The following TCEA1 variants were observed in gnomAD, a reference collection of about 807,000 sequenced individuals.
The protein encoded by TCEA1 is transcription elongation factor A1, also known as transcription elongation factor A protein 1.
TCEA1 carries 21 observed loss-of-function variants against 43.8 expected under a neutral mutation model. The ratio of observed to expected loss-of-function variants is 0.48; its 90% CI spans 0.34 to 0.69. TCEA1 has a LOEUF of 0.69. Ranked by LOEUF, TCEA1 falls within the 30% of genes least tolerant of loss-of-function variation. The probability of loss-of-function intolerance (pLI) is 0.01; values close to 1 mark genes in which losing one functional copy is unlikely to be tolerated. For missense variants in TCEA1, 250 were observed against 365.1 expected, an observed-to-expected ratio of 0.68 and a Z score of 2.57; for synonymous variants, 104 against 117.5, an observed-to-expected ratio of 0.88 and a Z score of 0.75.
chr8:53,995,615 TATAGA>T (rs1476361367), intron 3 of TCEA1, among the ~76,000 whole-genome samples: 1 of 152,236 alleles, frequency 6.6e-6, no homozygotes, highest in Admixed American at 6.5e-5. Context: ...CATCTCTCTG[TATAGA>T]ATATAGAAGA....
rs142309593 is a variant in TCEA1 at position 53,992,080 on chromosome 8, G to GTCA, written c.320+1587_320+1588insTGA. ...TAATCCCAGCACTTTGGGAGGCTGA[G>GTCA]GCAGGTGGATCACCTGTGGTTGAGA... On this transcript the variant is annotated intron_variant, in intron 4 of 9. Coordinates refer to ENST00000521604, the MANE Select transcript of TCEA1 (RefSeq NM_006756.4). 8.2e-3 allele frequency among the ~76,000 whole-genome samples: 1,241 copies of GTCA among 152,238 alleles called. 34 individuals are homozygous for GTCA. Among genetic ancestry groups the GTCA allele is most frequent in the African/African-American group, 0.028 (1,178 of 41,482 alleles).
intron 1 of TCEA1, among the ~76,000 whole-genome samples, chr8:54,013,903 G>C (rs1432343744): frequency 1.3e-5 from 2 of 152,020 alleles, no homozygotes; most frequent in African/African-American, 4.8e-5. Context: ...TTACAGATGA[G>C]GAAATATGTC....
At chr8:53,998,261 G>A (rs747091588) in intron 3 of TCEA1, among the ~76,000 whole-genome samples, 8 of 152,168 alleles carry the variant, frequency 5.3e-5, no homozygotes, top group African/African-American at 9.7e-5. Flanking sequence ...TCAATTTCCT[G>A]GTTGAGATTC....
intron 7 of TCEA1, among the ~76,000 whole-genome samples, chr8:53,982,242 T>A (rs938012047): frequency 1.3e-5 from 2 of 151,996 alleles, no homozygotes; most frequent in African/African-American, 4.8e-5. Context: ...TGTCAACATT[T>A]AGAGGAGTTT....
chr8:53,968,721 C>T (rs1803064563), intron 9 of TCEA1, among the ~76,000 whole-genome samples: 3 of 151,780 alleles, frequency 2.0e-5, no homozygotes, highest in Non-Finnish European at 4.4e-5. Flanking sequence ...CCCAGGTACT[C>T]GGAAGGCTGA....
intron 3 of TCEA1, among the ~76,000 whole-genome samples, chr8:53,997,858 C>T (rs572129363): frequency 1.3e-5 from 2 of 152,252 alleles, no homozygotes; most frequent in African/African-American, 4.8e-5. Context: ...CATAGCAAGA[C>T]CCCTATTTCA....
At chr8:54,005,707 T>C (rs1246195703) in intron 2 of TCEA1, among the ~76,000 whole-genome samples, 1 of 152,202 alleles carries the variant, frequency 6.6e-6, no homozygotes, top group Non-Finnish European at 1.5e-5. Context: ...CCATTTATAT[T>C]GCTATTATCT....
intron 2 of TCEA1, among the ~76,000 whole-genome samples, chr8:54,002,713 C>G (rs980587109): frequency 2.0e-5 from 3 of 152,070 alleles, no homozygotes; most frequent in African/African-American, 7.2e-5. Flanking sequence ...ATAGGTTATA[C>G]GAAAGTATTC....
chr8:53,968,742 T>A (rs1039231950), intron 9 of TCEA1, among the ~76,000 whole-genome samples: 21 of 151,826 alleles, frequency 1.4e-4, no homozygotes, highest in African/African-American at 5.1e-4. Context: ...GACAGGGGAA[T>A]CTCTTGAACC....
At chr8:54,001,342 G>A (rs1383252195) in intron 2 of TCEA1, among the ~76,000 whole-genome samples, 2 of 152,048 alleles carry the variant, frequency 1.3e-5, no homozygotes, top group African/African-American at 4.8e-5. Context: ...GGTACTTGAG[G>A]TTTCCTTCTA....
chr8:53,973,476 T>TA (rs765703969), intron 8 of TCEA1: 3 of 495,388 alleles, frequency 6.1e-6, no homozygotes, highest in South Asian at 3.5e-5. Flanking sequence ...TAAAGAAGTT[T>TA]AAAAAAATAG....
At chr8:53,989,045 G>A (rs1803785589) in intron 4 of TCEA1, among the ~76,000 whole-genome samples, 1 of 151,634 alleles carries the variant, frequency 6.6e-6, no homozygotes, top group African/African-American at 2.4e-5. Flanking sequence ...TCCAGCCTGG[G>A]TGACACAGCG....
rs193111577 is a variant in TCEA1 at position 53,977,271 on chromosome 8, G to A, written c.825+1754C>T. Reference sequence around the variant, plus strand: ...GGAGGCGGAGTTTGCAGTGAGCTGAGATGGCGCCACTGCACTCCAGCCTGG... The same window carrying A: ...GGAGGCGGAGTTTGCAGTGAGCTGAAATGGCGCCACTGCACTCCAGCCTGG... On this transcript the variant is annotated intron_variant, in intron 8 of 9. Transcript: ENST00000521604. Among the ~76,000 whole-genome samples the A allele has an allele frequency of 6.8e-3, 1,037 of 152,346 alleles. 19 individuals carry two copies. Among genetic ancestry groups the A allele is most frequent in the African/African-American group, 0.02 (834 of 41,576 alleles).
At chr8:53,993,282 A>C (rs951463686) in intron 4 of TCEA1, 2 of 154,224 alleles carry the variant, frequency 1.3e-5, no homozygotes, top group African/African-American at 4.8e-5. Context: ...AAAAGGAAGA[A>C]AAAAAGCATG....
chr8:53,987,137 AAGAAAC>A (rs1803713776), intron 5 of TCEA1, 112 bp from the exon 6 acceptor site: 3 of 885,596 alleles, frequency 3.4e-6, no homozygotes, highest in Non-Finnish European at 5.3e-6. Context: ...GCCTGACATA[AAGAAAC>A]CGTTCAGTTT....
chr8:54,022,276 C>CGCGGCGGCGGCGGCGGCG lies in TCEA1; in HGVS notation c.-169_-152dup, dbSNP rs58021302. ...GGCCCCCTTCCTTACGAACGAAGCC[C>CGCGGCGGCGGCGGCGGCG]GCGGCGGCGGCGGCGGCGGCGGCGG... On this transcript the variant is annotated 5_prime_UTR_variant, in exon 1 of 10. Transcript: ENST00000521604. The CGCGGCGGCGGCGGCGGCG allele has an allele frequency of 5.9e-5, 52 of 883,740 alleles. No individual in the cohort carries two copies. Among genetic ancestry groups the CGCGGCGGCGGCGGCGGCG allele is most frequent in the African/African-American group, 2.6e-4 (15 of 56,612 alleles). 54.7% of individuals were successfully genotyped at this position (883,740 alleles called of 1,614,324 possible). A position where few individuals can be genotyped will look rare whatever the true frequency, so the allele number is the denominator to read the frequency against.
At chr8:53,976,748 T>G (rs1195588764) in intron 8 of TCEA1, among the ~76,000 whole-genome samples, 1 of 152,238 alleles carries the variant, frequency 6.6e-6, no homozygotes, top group Non-Finnish European at 1.5e-5. Context: ...TTTTTATTGT[T>G]AAGATATTTC....
intron 4 of TCEA1, among the ~76,000 whole-genome samples, chr8:53,991,523 C>T (rs904471337): frequency 4.0e-5 from 6 of 151,746 alleles, no homozygotes; most frequent in African/African-American, 7.3e-5. Context: ...GGAGAAACCC[C>T]GTCTCCACTA....
At chr8:53,984,796 C>G (rs1280881315) in intron 6 of TCEA1, among the ~76,000 whole-genome samples, 1 of 152,006 alleles carries the variant, frequency 6.6e-6, no homozygotes, top group East Asian at 1.9e-4. Flanking sequence ...GGCAGGACAA[C>G]CACTTGACCT....
Sources: allele counts gnomAD v4.1 joint callset (sites outside exome capture counted in the v4.1 genomes callset), GRCh38; gene constraint gnomAD v4.1.1; transcripts MANE v1.5; gene names NCBI Gene and HGNC (gene_info 2026-07-23, HGNC 2026-07-21).